The following SH2B1 variants were observed in gnomAD, a reference collection of about 807,000 sequenced individuals.
SH2B1 encodes the protein SH2B adaptor protein 1.
A neutral mutation model predicts 62.6 loss-of-function variants in SH2B1; 15 were observed. The observed-to-expected ratio is 0.24, with a 90% CI of 0.16 to 0.37. The LOEUF is 0.37. Among genes scored for constraint, SH2B1 ranks in the 10% least tolerant of loss-of-function variants. The pLI is 1.00. For missense variants in SH2B1, 925 were observed against 1,015.6 expected (o/e 0.91, Z 1.21); for synonymous variants, 443 against 438.0 (o/e 1.01, Z -0.14).
rs1962655763 is a variant in SH2B1, at chr16:28,865,918, A to G, written c.-177A>G. On this transcript the variant is annotated 5_prime_UTR_variant, in exon 1 of 8. Transcript: ENST00000684370. ...CCCCATTGCTCTCTGCGGAGTCTGA[A>G]GTAGGGTCGGACGTCTCTGGCTGGG... 7.1e-7 allele frequency: 1 copy of G among 1,406,584 alleles called. No homozygotes were observed. The highest frequency in any genetic ancestry group is 2.7e-5 in the East Asian group (1 of 37,608). 87.1% of individuals were successfully genotyped at this position (1,406,584 alleles called of 1,614,324 possible).
intron 1 of SH2B1, 65 bp downstream of exon 1, chr16:28,867,098 C>T: frequency 6.3e-7 from 1 of 1,590,756 alleles, no homozygotes; most frequent in Non-Finnish European, 8.5e-7. Flanking sequence ...GGTCACAGCC[C>T]TGCAGATAAG....
intron 2 of SH2B1, 28 bp from the exon 3 acceptor site, chr16:28,868,978 C>T (rs956068507): frequency 5.1e-6 from 8 of 1,573,034 alleles, no homozygotes; most frequent in East Asian, 2.2e-5. Flanking sequence ...GCCCCTGCCC[C>T]AGCTGAGGCG....
intron 2 of SH2B1, among the ~76,000 whole-genome samples, chr16:28,868,344 G>A (rs533054377): frequency 4.7e-5 from 7 of 150,172 alleles, no homozygotes; most frequent in Admixed American, 4.0e-4. Flanking sequence ...GTTTCACCAA[G>A]TTAGCTAGGA....
rs759750417 is a variant in SH2B1 at position 28,866,269 on chromosome 16, G to T, written c.175G>T (p.Gly59Trp). ...LASHPQYAGP[G>W]AEAAFSRRFA... ...CTCCCACCCCCAATATGCGGGGCCC[G>T]GGGCCGAGGCTGCCTTCTCCCGCCG... Residue 59 changes from glycine (G) to tryptophan (W), a missense_variant, in exon 1 of 8, where the codon GGG becomes TGG. Around this residue, in one of 3 missense-constraint regions of SH2B1, gnomAD observed 683 missense variants for 704.0 expected, o/e 0.97. Transcript: ENST00000684370. This position sits in a 1 kb window ranked among gnomAD's most constrained non-coding sequence, Gnocchi z 6.3. The T allele has an allele frequency of 3.1e-6, 5 of 1,610,400 alleles. No individual in the cohort carries two copies. Among genetic ancestry groups the T allele is most frequent in the South Asian group, 1.1e-5 (1 of 90,940 alleles).
chr16:28,863,509 T>C, upstream of SH2B1: 1 of 621,796 alleles, frequency 1.6e-6, no homozygotes. Context: ...TGGTTTCCGG[T>C]GCTCGGCGGC....
chr16:28,853,307 A>T (rs1025967584), intron 1 of SH2B1, among the ~76,000 whole-genome samples: 1 of 148,770 alleles, frequency 6.7e-6, no homozygotes, highest in East Asian at 2.0e-4. Flanking sequence ...GCCAGGTTGA[A>T]GCAATTCTGC....
chr16:28,868,361 C>T (rs1300357825), intron 2 of SH2B1, among the ~76,000 whole-genome samples: 4 of 149,392 alleles, frequency 2.7e-5, no homozygotes, highest in African/African-American at 5.0e-5. Flanking sequence ...AGGATGGTCT[C>T]GATCTCCTGA....
chr16:28,847,666 A>T (rs942819210), intron 1 of SH2B1, among the ~76,000 whole-genome samples: 7 of 151,818 alleles, frequency 4.6e-5, no homozygotes, highest in East Asian at 3.9e-4. Context: ...AAAAAAATTT[A>T]AAATTAGCCA....
chr16:28,866,761 A>G lies in SH2B1; in HGVS notation c.667A>G (p.Arg223Gly), dbSNP rs1962732959. Residue 223 changes from arginine to glycine, a missense_variant, in exon 1 of 8, where the codon AGA becomes GGA. Physicochemically the swap from Arg to Gly is moderately radical, Grantham distance 125. Around this residue, in one of 3 missense-constraint regions of SH2B1, gnomAD observed 683 missense variants for 704.0 expected, o/e 0.97. Transcript: ENST00000684370. The surrounding 1 kb of genome is among the most constrained non-coding windows in gnomAD (Gnocchi z 6.3). ...LVSDGTSPGERWTHRFERLRL... is the reference protein window; with the variant it reads ...LVSDGTSPGEGWTHRFERLRL... ...CAGTGATGGAACGTCCCCTGGGGAA[A>G]GATGGACTCACCGTTTTGAGAGGCT... is the stretch of plus-strand genomic sequence containing the variant. 3 of 1,579,152 alleles carry G rather than the reference A, an allele frequency of 1.9e-6. No individual in the cohort carries two copies. The highest frequency in any genetic ancestry group is 2.4e-5 in the South Asian group (2 of 84,060).
intron 2 of SH2B1, among the ~76,000 whole-genome samples, chr16:28,867,929 A>G (rs930950240): frequency 6.7e-6 from 1 of 149,388 alleles, no homozygotes; most frequent in African/African-American, 2.5e-5. Context: ...CCCAGGTTCA[A>G]GCGATTCTTG....
intron 2 of SH2B1, among the ~76,000 whole-genome samples, chr16:28,868,599 A>G (rs1044681266): frequency 1.1e-4 from 17 of 152,184 alleles, no homozygotes; most frequent in African/African-American, 4.1e-4. Flanking sequence ...AGCTGGGACT[A>G]CAGGCGCCTG....
chr16:28,871,324 T>C (rs1355694693), intron 4 of SH2B1, among the ~76,000 whole-genome samples: 1 of 152,030 alleles, frequency 6.6e-6, no homozygotes, highest in Non-Finnish European at 1.5e-5. Flanking sequence ...GGCCCAGGAC[T>C]CCTTTTGAAT....
Position 28,866,607 on chromosome 16 carries a change from G to C in SH2B1, c.513G>C (p.Gln171His), listed in dbSNP as rs1343155774. The change falls in exon 1 of 8, where the codon CAG (glutamine) becomes CAC (histidine). Residue 171 changes from glutamine to histidine, a missense_variant. This residue lies in a region of SH2B1 where 683 missense variants were observed against 704.0 expected (regional missense o/e 0.97). Coordinates refer to ENST00000684370, the MANE Select transcript of SH2B1 (RefSeq NM_001387430.1). The surrounding 1 kb of genome is among the most constrained non-coding windows in gnomAD (Gnocchi z 6.3). ...GAGGCTCAGTCCGTGGCATCCTGCA[G>C]TGGCGGGGGACCGTTGACCCTCCCT... ...SVRGSVRGIL[Q>H]WRGTVDPPSS... The C allele has an allele frequency of 3.7e-6, 6 of 1,613,854 alleles. No individual in the cohort carries two copies. Among genetic ancestry groups the C allele is most frequent in the Non-Finnish European group, 5.1e-6 (6 of 1,180,038 alleles).
rs1397499140 is a variant in SH2B1 at position 28,852,761 on chromosome 16, TATATATATTTATATATATATTTAC to T, written c.-301+5946_-301+5969del. Among the ~76,000 whole-genome samples the T allele has an allele frequency of 2.7e-4, 8 of 29,910 alleles. 3 individuals carry two copies. The highest frequency in any genetic ancestry group is 4.0e-3 in the East Asian group (2 of 494). 19.6% of individuals were successfully genotyped at this position (29,910 alleles called of 152,430 possible). A position where few individuals can be genotyped will look rare whatever the true frequency, so the allele number is the denominator to read the frequency against. On this transcript the variant is annotated intron_variant, in intron 1 of 10. Coordinates refer to the SH2B1 transcript ENST00000322610. ...ATATATATATTTACATATATATGTA[TATATATATTTATATATATATTTAC>T]ATATATATTTACATATATATTTACA... is the stretch of plus-strand genomic sequence containing the variant.
At position 28,863,858 on chromosome 16, in the gene SH2B1, C is replaced by T; in HGVS notation, c.-2237C>T. ...CGCCTGCGCGGAACCGGGCTGGGCG[C>T]TCGTCGCGTAGTGGGTGGGGGCGCA... On this transcript the variant is annotated 5_prime_UTR_variant, in exon 1 of 8. Transcript: ENST00000684370. 4 of 1,526,100 alleles carry T rather than the reference C, an allele frequency of 2.6e-6. No homozygotes were observed. The highest frequency in any genetic ancestry group is 3.5e-6 in the Non-Finnish European group (4 of 1,142,120). 94.5% of individuals were successfully genotyped at this position (1,526,100 alleles called of 1,614,324 possible). A position where few individuals can be genotyped will look rare whatever the true frequency, so the allele number is the denominator to read the frequency against.
chr16:28,851,459 C>CTT (rs369515117), intron 1 of SH2B1, among the ~76,000 whole-genome samples: 4 of 138,510 alleles, frequency 2.9e-5, no homozygotes, highest in Admixed American at 7.3e-5. Flanking sequence ...CGCCTTTCTT[C>CTT]TTTTTTTTTT....
At position 28,872,436 on chromosome 16, in the gene SH2B1, CAT is replaced by C; in HGVS notation, c.1725+37_1725+38del. ...CCTGTGGGAAAGGCTCTGTTCTGTG[CAT>C]AGTTGGCAGTGGGGTGGGGGAGCAC... On this transcript the variant is annotated intron_variant, in intron 6 of 7. Coordinates refer to ENST00000684370, the MANE Select transcript of SH2B1 (RefSeq NM_001387430.1). The surrounding 1 kb of genome is among the most constrained non-coding windows in gnomAD (Gnocchi z 5.3). 1 of 1,577,454 alleles carries C rather than the reference CAT, an allele frequency of 6.3e-7. No homozygotes were observed. The highest frequency in any genetic ancestry group is 8.6e-7 in the Non-Finnish European group (1 of 1,158,876).
chr16:28,854,698 T>C (rs1018949308), intron 1 of SH2B1, among the ~76,000 whole-genome samples: 7 of 152,086 alleles, frequency 4.6e-5, no homozygotes, highest in Admixed American at 2.0e-4. Context: ...CAAGGTTGCA[T>C]TGAGCTGTGC....
chr16:28,869,838 A>AT (rs1204314194), intron 4 of SH2B1, among the ~76,000 whole-genome samples: 1 of 152,304 alleles, frequency 6.6e-6, no homozygotes, highest in East Asian at 1.9e-4. Context: ...ACACACAAAG[A>AT]TGTGTCACCC....
Sources: gnomAD v4.1 joint callset for allele counts (sites outside exome capture counted in the v4.1 genomes callset) on GRCh38, gnomAD v4.1.1 for gene constraint, gnomAD v4.1.1 regional missense constraint, Gnocchi (gnomAD v3.1) non-coding constraint, MANE v1.5 for transcripts, NCBI Gene and HGNC (gene_info 2026-07-23, HGNC 2026-07-21) for gene names.